COLEC12: variants seen among roughly 807,000 people sequenced by gnomAD.
COLEC12 encodes the protein collectin subfamily member 12.
Under a neutral mutation model 71.1 loss-of-function variants are expected in COLEC12, and 33 were observed. That is an observed-to-expected ratio of 0.46 (90% CI 0.35 to 0.62). The LOEUF is 0.62. Ranked by LOEUF, COLEC12 falls within the 20% of genes least tolerant of loss-of-function variation. The probability of loss-of-function intolerance (pLI) is 0.00; values close to 1 mark genes in which losing one functional copy is unlikely to be tolerated. For missense variants in COLEC12, 765 were observed against 916.1 expected, an observed-to-expected ratio of 0.84 and a Z score of 2.13; for synonymous variants, 350 against 353.0, an observed-to-expected ratio of 0.99 and a Z score of 0.10.
intron 1 of COLEC12, among the ~76,000 whole-genome samples, chr18:493,663 G>T (rs2143793994): frequency 6.6e-6 from 1 of 152,252 alleles, no homozygotes; most frequent in South Asian, 2.1e-4. Flanking sequence ...TTTCTAGAGG[G>T]CCTTGCACAC....
Position 384,532 on chromosome 18 carries a change from T to C in COLEC12, c.59-27010A>G, listed in dbSNP as rs533924958. Among the ~76,000 whole-genome samples, 16 of 152,242 alleles carry C rather than the reference T, an allele frequency of 1.1e-4. No individual in the cohort carries two copies. The South Asian group carries it at 2.3e-3, about 22-fold the overall frequency. On this transcript the variant is annotated intron_variant, in intron 2 of 9. Coordinates refer to ENST00000400256, the MANE Select transcript of COLEC12 (RefSeq NM_130386.3). ...TATTAAAGGTGGGAACTAGAGAAAA[T>C]TGAATTTCAGCTCAACCTAAAAAGA...
chr18:402,922 G>A (rs1006249951), intron 2 of COLEC12, among the ~76,000 whole-genome samples: 3 of 152,116 alleles, frequency 2.0e-5, no homozygotes, highest in African/African-American at 7.2e-5. Flanking sequence ...TTAAGTCACC[G>A]TGCCCTTCAA....
In COLEC12 at chr18:327,889, G is replaced by T. The variant is rs867402253; in HGVS notation, c.2063+3779C>A. On this transcript the variant is annotated intron_variant, in intron 8 of 9. Transcript: ENST00000400256. The surrounding 1 kb of genome is among the most constrained non-coding windows in gnomAD (Gnocchi z 4.0). ...GTGCTAACTCTTCTTTGAATGTTTG[G>T]TAGAATTTGGCTGTGAAGCCATCTG... Among the ~76,000 whole-genome samples, 1 of 152,218 alleles carries T rather than the reference G, an allele frequency of 6.6e-6. No homozygotes were observed. The highest frequency in any genetic ancestry group is 1.5e-5 in the Non-Finnish European group (1 of 68,038).
chr18:476,827 CT>C (rs1359840962), intron 2 of COLEC12, among the ~76,000 whole-genome samples: 3 of 152,224 alleles, frequency 2.0e-5, no homozygotes, highest in African/African-American at 7.2e-5. Flanking sequence ...AGAAAATGAA[CT>C]CTGCCAAATT....
At position 318,153 on chromosome 18, in the gene COLEC12, T is replaced by G. The variant is rs980557223; in HGVS notation, c.*1892A>C. 4 of 151,662 alleles carry G rather than the reference T, an allele frequency of 2.6e-5. No homozygotes were observed. The highest frequency in any genetic ancestry group is 9.7e-5 in the African/African-American group (4 of 41,388). 9.4% of individuals were successfully genotyped at this position (151,662 alleles called of 1,614,324 possible). On this transcript the variant is annotated 3_prime_UTR_variant, in exon 10 of 10. Coordinates refer to ENST00000400256, the MANE Select transcript of COLEC12 (RefSeq NM_130386.3). ...CACCGCGCCCGGCTAATTTTTTTTT[T>G]GTATTTTTAGTAGAGACGGGGTTTC...
chr18:451,678 C>T (rs1043865254), intron 2 of COLEC12, among the ~76,000 whole-genome samples: 2 of 151,502 alleles, frequency 1.3e-5, no homozygotes, highest in African/African-American at 4.9e-5. Context: ...ACCTGGGAGG[C>T]GGAGGTTGCA....
At chr18:397,854 C>T (rs779813503) in intron 2 of COLEC12, among the ~76,000 whole-genome samples, 5 of 152,166 alleles carry the variant, frequency 3.3e-5, no homozygotes, top group Middle Eastern at 3.2e-3. Context: ...GGGTTAAAAT[C>T]GTGTCACCCA....
At chr18:378,043 C>T (rs1400203845) in intron 2 of COLEC12, among the ~76,000 whole-genome samples, 3 of 152,148 alleles carry the variant, frequency 2.0e-5, no homozygotes, top group African/African-American at 4.8e-5. Context: ...CCACTATCCA[C>T]GGGTGATAAT....
intron 5 of COLEC12, among the ~76,000 whole-genome samples, chr18:339,053 CCT>C (rs1267272365): frequency 6.8e-6 from 1 of 147,448 alleles, no homozygotes; most frequent in African/African-American, 2.5e-5. Context: ...TTGGTGCTAT[CCT>C]TGCAAGTTAT....
chr18:407,552 G>A (rs1412221501), intron 2 of COLEC12, among the ~76,000 whole-genome samples: 1 of 152,226 alleles, frequency 6.6e-6, no homozygotes, highest in African/African-American at 2.4e-5. Context: ...AGTCAGGCAG[G>A]AAGAGTTCCC....
intron 2 of COLEC12, among the ~76,000 whole-genome samples, chr18:462,709 T>C (rs1917006716): frequency 6.6e-6 from 1 of 152,130 alleles, no homozygotes; most frequent in African/African-American, 2.4e-5. Context: ...TTATTAAAAA[T>C]AACGGAGGAG....
rs575585902 is a variant in COLEC12 at position 484,963 on chromosome 18, A to T, written c.8-4206T>A. On this transcript the variant is annotated intron_variant, in intron 1 of 9. Transcript: ENST00000400256. ...GGTGGGGCTTGTGGTTGTGGAGATG[A>T]TTTACATCATGCAACCATAGCCACG... Among the ~76,000 whole-genome samples, 6 of 152,254 alleles carry T rather than the reference A, an allele frequency of 3.9e-5. No individual in the cohort carries two copies. In the South Asian group the frequency reaches 1.2e-3, roughly 32 times the overall value.
intron 2 of COLEC12, among the ~76,000 whole-genome samples, chr18:459,405 T>C (rs1465387858): frequency 6.6e-6 from 1 of 152,214 alleles, no homozygotes; most frequent in Non-Finnish European, 1.5e-5. Flanking sequence ...TACTTTTGAA[T>C]GAATGACCAC....
intron 8 of COLEC12, among the ~76,000 whole-genome samples, chr18:326,912 AT>A (rs1567873381): frequency 6.6e-6 from 1 of 152,124 alleles, no homozygotes; most frequent in East Asian, 1.9e-4. Context: ...TAGGGTTGCT[AT>A]GTTCTATTGA....
In COLEC12 at chr18:382,903, G is replaced by A. The variant is rs1216412122; in HGVS notation, c.59-25381C>T. Among the ~76,000 whole-genome samples the A allele has an allele frequency of 3.3e-5, 5 of 152,280 alleles. No homozygotes were observed. The South Asian group carries it at 8.3e-4, about 25-fold the overall frequency. On this transcript the variant is annotated intron_variant, in intron 2 of 9. Transcript: ENST00000400256. ...TGTAATGATCAAATTATAGTATTGA[G>A]CATCACCTCAGACATTTATCATTTC...
At chr18:376,190 C>T (rs1026083126) in intron 2 of COLEC12, among the ~76,000 whole-genome samples, 1 of 152,136 alleles carries the variant, frequency 6.6e-6, no homozygotes, top group Non-Finnish European at 1.5e-5. Flanking sequence ...TGGTCCACCC[C>T]AGGGGGTGGG....
chr18:448,258 G>C (rs1916691608), intron 2 of COLEC12, among the ~76,000 whole-genome samples: 1 of 152,180 alleles, frequency 6.6e-6, no homozygotes, highest in Non-Finnish European at 1.5e-5. Context: ...GGGTGGTTGG[G>C]GTTGAATAGA....
intron 2 of COLEC12, among the ~76,000 whole-genome samples, chr18:378,469 C>T (rs115442970): frequency 0.019 from 2,898 of 152,270 alleles, 82 homozygotes; most frequent in African/African-American, 0.066. Flanking sequence ...TGAACTGAAA[C>T]GTCCGATGCA....
intron 2 of COLEC12, among the ~76,000 whole-genome samples, chr18:444,409 A>G (rs1916606168): frequency 6.6e-6 from 1 of 152,228 alleles, no homozygotes; most frequent in African/African-American, 2.4e-5. Context: ...TGTGGCAGGT[A>G]AAACCAATGA....
Sources: allele counts gnomAD v4.1 joint callset (sites outside exome capture counted in the v4.1 genomes callset), GRCh38; gene constraint gnomAD v4.1.1; non-coding constraint Gnocchi (gnomAD v3.1); transcripts MANE v1.5; gene names NCBI Gene and HGNC (gene_info 2026-07-23, HGNC 2026-07-21).